The following FOXO3 variants were observed in gnomAD, a reference collection of about 807,000 sequenced individuals.
FOXO3 encodes forkhead box O3, also known as forkhead box protein O3.
In FOXO3, 4 loss-of-function variants were observed where a neutral mutation model predicts 41.9. That is an observed-to-expected ratio of 0.10 (90% CI 0.05 to 0.22). The LOEUF (loss-of-function observed/expected upper bound fraction) is 0.22. Among genes scored for constraint, FOXO3 ranks in the 10% least tolerant of loss-of-function variants. The pLI, the probability that FOXO3 is intolerant of heterozygous loss-of-function variation, is 1.00. For missense variants in FOXO3, 534 were observed against 906.8 expected (o/e 0.59, Z 5.28); for synonymous variants, 318 against 389.3 (o/e 0.82, Z 2.16).
chr6:108,587,344 C>T (rs377292775), intron 1 of FOXO3, among the ~76,000 whole-genome samples: 7 of 152,216 alleles, frequency 4.6e-5, no homozygotes, highest in African/African-American at 1.7e-4. Context: ...TGAAGGGGTC[C>T]TGCTGCTCTC....
At chr6:108,631,776 C>A (rs947207515) in intron 1 of FOXO3, among the ~76,000 whole-genome samples, 2 of 152,086 alleles carry the variant, frequency 1.3e-5, no homozygotes, top group Non-Finnish European at 2.9e-5. Context: ...ACCTAATGCC[C>A]ATTGTATAAT....
At chr6:108,561,935 G>C (rs932676728) in intron 1 of FOXO3, 106 bp downstream of exon 1, 2 of 1,429,914 alleles carry the variant, frequency 1.4e-6, no homozygotes, top group South Asian at 1.5e-5. Flanking sequence ...AGGGCAAGGG[G>C]TTGGCAGGGG....
chr6:108,616,930 G>C (rs958304171), intron 1 of FOXO3, among the ~76,000 whole-genome samples: 6 of 152,042 alleles, frequency 3.9e-5, no homozygotes, highest in African/African-American at 1.4e-4. Context: ...ATGTTTTCCA[G>C]GTTCATCCAT....
At chr6:108,577,769 C>T (rs1776301745) in intron 1 of FOXO3, among the ~76,000 whole-genome samples, 1 of 152,214 alleles carries the variant, frequency 6.6e-6, no homozygotes, top group African/African-American at 2.4e-5. Context: ...CAGCCCTCTC[C>T]TCCATAGGAA....
chr6:108,596,382 GAAAAAAAAAAA>G (rs61683111), intron 1 of FOXO3, among the ~76,000 whole-genome samples: 1 of 58,294 alleles, frequency 1.7e-5, no homozygotes, highest in African/African-American at 5.6e-5. Context: ...TGGCCTAAAT[GAAAAAAAAAAA>G]AAAAAAAAAA....
Position 108,618,102 on chromosome 6 carries a change from C to T in FOXO3, c.622-45353C>T. 3 of 786,710 alleles carry T rather than the reference C, an allele frequency of 3.8e-6. No individual in the cohort carries two copies. The Middle Eastern group carries it at 7.4e-4, about 193-fold the overall frequency. 48.7% of individuals were successfully genotyped at this position (786,710 alleles called of 1,614,324 possible). A position where few individuals can be genotyped will look rare whatever the true frequency, so the allele number is the denominator to read the frequency against. Reference sequence around the variant, plus strand: ...CTTTTTCATTGATTTGGTTGCCGGTCAAATCAGAGTCTGATCTGCCTCATG... The same window carrying T: ...CTTTTTCATTGATTTGGTTGCCGGTTAAATCAGAGTCTGATCTGCCTCATG... On this transcript the variant is annotated intron_variant, in intron 1 of 2. Coordinates refer to ENST00000406360, the MANE Select transcript of FOXO3 (RefSeq NM_001455.4).
At chr6:108,617,606 G>A (rs1350104827) in intron 1 of FOXO3, among the ~76,000 whole-genome samples, 3 of 152,028 alleles carry the variant, frequency 2.0e-5, no homozygotes, top group East Asian at 3.8e-4. Context: ...GTTGAACAAG[G>A]TATGCAAGGA....
chr6:108,598,767 A>G (rs9386741), intron 1 of FOXO3, among the ~76,000 whole-genome samples: 7,458 of 152,164 alleles, frequency 0.049, 309 homozygotes, highest in South Asian at 0.22. Flanking sequence ...TTGGCAGACA[A>G]ATGGCTTCCA....
intron 1 of FOXO3, among the ~76,000 whole-genome samples, chr6:108,635,300 A>AT (rs1285228299): frequency 8.1e-4 from 124 of 152,192 alleles, no homozygotes; most frequent in African/African-American, 2.5e-3. Flanking sequence ...ATCTCAAAAA[A>AT]AAATAATAAT....
At chr6:108,579,793 G>A (rs975713927) in intron 1 of FOXO3, among the ~76,000 whole-genome samples, 2 of 152,118 alleles carry the variant, frequency 1.3e-5, no homozygotes, top group Non-Finnish European at 2.9e-5. Flanking sequence ...CAGAAGGCTT[G>A]TCTCTCAGCC....
chr6:108,573,298 A>AGT (rs1776161533), intron 1 of FOXO3, among the ~76,000 whole-genome samples: 1 of 151,898 alleles, frequency 6.6e-6, no homozygotes, highest in African/African-American at 2.4e-5. Flanking sequence ...AAAATAAATA[A>AGT]ATAAGTAAGT....
intron 1 of FOXO3, among the ~76,000 whole-genome samples, chr6:108,593,712 C>CCT (rs1776794612): frequency 1.2e-5 from 1 of 83,330 alleles, no homozygotes; most frequent in African/African-American, 5.2e-5. Flanking sequence ...TTTTCTTCTT[C>CCT]TTTTTTTTTT....
At chr6:108,643,260 T>G (rs1358934601) in intron 1 of FOXO3, among the ~76,000 whole-genome samples, 1 of 152,234 alleles carries the variant, frequency 6.6e-6, no homozygotes, top group Non-Finnish European at 1.5e-5. Context: ...AACAATCAGT[T>G]CTTTGCCCAT....
chr6:108,657,535 G>T (rs868784014), intron 1 of FOXO3, among the ~76,000 whole-genome samples: 4 of 152,170 alleles, frequency 2.6e-5, no homozygotes, highest in African/African-American at 4.8e-5. Flanking sequence ...GCCTCAAAGG[G>T]TATAGCAAAA....
chr6:108,603,052 ACATT>A (rs1249337036), intron 1 of FOXO3, among the ~76,000 whole-genome samples: 1 of 152,024 alleles, frequency 6.6e-6, no homozygotes, highest in African/African-American at 2.4e-5. Flanking sequence ...TGGCAAACTG[ACATT>A]CATTCAATGT....
At position 108,675,212 on chromosome 6, in the gene FOXO3, G is replaced by T. The variant is rs144675737; in HGVS notation, c.*35-4615G>T. Among the ~76,000 whole-genome samples the T allele has an allele frequency of 7.0e-3, 1,062 of 152,202 alleles. 23 individuals are homozygous for T. The highest frequency in any genetic ancestry group is 0.048 in the South Asian group (229 of 4,812). ...CTAAATTTAAGCAACAGAAAAGCTG[G>T]TGCCTCCCAGCAGGTGGCCCCCAGC... On this transcript the variant is annotated intron_variant, in intron 2 of 2. Transcript: ENST00000406360.
chr6:108,651,615 G>C (rs2128382726), intron 1 of FOXO3, among the ~76,000 whole-genome samples: 1 of 152,308 alleles, frequency 6.6e-6, no homozygotes, highest in South Asian at 2.1e-4. Flanking sequence ...TGTGAAGGAA[G>C]GGATTGTAAA....
At chr6:108,605,617 A>C (rs538859164) in intron 1 of FOXO3, among the ~76,000 whole-genome samples, 1 of 152,336 alleles carries the variant, frequency 6.6e-6, no homozygotes, top group African/African-American at 2.4e-5. Context: ...GTAAATAAAG[A>C]GTGGGATTAC....
At chr6:108,674,310 A>G (rs1368826487) in intron 2 of FOXO3, among the ~76,000 whole-genome samples, 1 of 152,194 alleles carries the variant, frequency 6.6e-6, no homozygotes, top group East Asian at 1.9e-4. Context: ...TCTTTGATTG[A>G]TTCAGCCAAC....
Sources: gnomAD v4.1 joint callset for allele counts (sites outside exome capture counted in the v4.1 genomes callset) on GRCh38, gnomAD v4.1.1 for gene constraint, MANE v1.5 for transcripts, NCBI Gene and HGNC (gene_info 2026-07-23, HGNC 2026-07-21) for gene names.